SPATA13: variants seen among roughly 807,000 people sequenced by gnomAD.
The protein encoded by SPATA13 is spermatogenesis-associated protein 13.
In SPATA13, 50 loss-of-function variants were observed where a neutral mutation model predicts 104.0. The ratio of observed to expected loss-of-function variants is 0.48; its 90% confidence interval spans 0.38 to 0.61. SPATA13 has a LOEUF of 0.61. Among genes scored for constraint, SPATA13 ranks in the 20% least tolerant of loss-of-function variants. The probability of loss-of-function intolerance (pLI) is 0.00; values close to 1 mark genes in which losing one functional copy is unlikely to be tolerated. For synonymous variants in SPATA13, 606 were observed against 667.5 expected (o/e 0.91, Z 1.42); for missense variants, 1,524 against 1,690.6 (o/e 0.90, Z 1.73).
intron 4 of SPATA13, among the ~76,000 whole-genome samples, chr13:24,269,741 A>ATTTTTT (rs71070673): frequency 1.1e-4 from 8 of 75,928 alleles, no homozygotes; most frequent in South Asian, 6.1e-4. Flanking sequence ...GCTAATATAA[A>ATTTTTT]TTTTTTTTTT....
At position 24,123,153 on chromosome 13, in the gene SPATA13, A is replaced by G. The variant is rs761584234; in HGVS notation, c.-111-99666A>G. ...GTCATCATTTTCTGTTTCTCTGATAATATGAAGAAGAGCCTGCATTACAGG... is the reference window on the plus strand; with the variant it reads ...GTCATCATTTTCTGTTTCTCTGATAGTATGAAGAAGAGCCTGCATTACAGG... On this transcript the variant is annotated intron_variant, in intron 3 of 14. Transcript: ENST00000424834. 287 of 1,131,542 alleles carry G rather than the reference A, an allele frequency of 2.5e-4. 1 individual carries two copies. Among genetic ancestry groups the G allele is most frequent in the Non-Finnish European group, 3.4e-4 (252 of 740,722 alleles). 70.1% of individuals were successfully genotyped at this position (1,131,542 alleles called of 1,614,324 possible). A position where few individuals can be genotyped will look rare whatever the true frequency, so the allele number is the denominator to read the frequency against.
At chr13:24,059,996 C>T (rs1201371250) in intron 3 of SPATA13, among the ~76,000 whole-genome samples, 3 of 152,132 alleles carry the variant, frequency 2.0e-5, no homozygotes, top group Non-Finnish European at 4.4e-5. Context: ...GTATATGGCT[C>T]TTTTATTTTG....
At position 24,190,057 on chromosome 13, in the gene SPATA13, A is replaced by C. The variant is rs752046173; in HGVS notation, c.-112+29125A>C. Among the ~76,000 whole-genome samples, 610 of 67,830 alleles carry C rather than the reference A, an allele frequency of 9.0e-3. 250 individuals carry two copies. Among genetic ancestry groups the C allele is most frequent in the East Asian group, 0.018 (27 of 1,480 alleles). The allele number at this position is 67,830 out of a possible 152,430, so 44.5% of individuals were successfully genotyped here. Reference sequence around the variant, plus strand: ...CAATATATATTATTATATAACATATAATGATATACTATATATATTATTATA... The same window carrying C: ...CAATATATATTATTATATAACATATCATGATATACTATATATATTATTATA... On this transcript the variant is annotated intron_variant, in intron 1 of 12. Transcript: ENST00000382108.
intron 4 of SPATA13, among the ~76,000 whole-genome samples, chr13:24,257,594 G>T (rs1456020230): frequency 1.3e-5 from 2 of 150,780 alleles, no homozygotes; most frequent in Admixed American, 6.6e-5. Flanking sequence ...TGCTCAATTT[G>T]ATTTTTTAAA....
intron 1 of SPATA13, among the ~76,000 whole-genome samples, chr13:24,217,145 G>A (rs1871298094): frequency 3.3e-5 from 5 of 152,192 alleles, no homozygotes; most frequent in Admixed American, 3.3e-4. Context: ...TGTTATCCCA[G>A]CTACTTGGAG....
chr13:24,180,145 G>A (rs973032511), intron 1 of SPATA13, among the ~76,000 whole-genome samples: 5 of 152,164 alleles, frequency 3.3e-5, no homozygotes, highest in African/African-American at 1.2e-4. Flanking sequence ...TCAGCTCTTA[G>A]ATTTAGGCCT....
In SPATA13 at chr13:24,290,639, T is replaced by C. The variant is rs1187668189; in HGVS notation, c.2848-13T>C. The C allele has an allele frequency of 2.7e-5, 43 of 1,612,034 alleles. No homozygotes were observed. The highest frequency in any genetic ancestry group is 3.6e-5 in the Non-Finnish European group (43 of 1,178,252). On this transcript the variant is annotated splice_polypyrimidine_tract_variant and intron_variant, in intron 8 of 12. Transcript: ENST00000382108. ...ACCCCAGAAGCTGACGAAGCTGTACTTTTCCTTCCCAGCAAGAGGGCTTTG... is the reference window on the plus strand; with the variant it reads ...ACCCCAGAAGCTGACGAAGCTGTACCTTTCCTTCCCAGCAAGAGGGCTTTG...
At chr13:24,206,461 G>A (rs112181291) in intron 1 of SPATA13, among the ~76,000 whole-genome samples, 32,404 of 152,182 alleles carry the variant, frequency 0.21, 4,063 homozygotes, top group South Asian at 0.3. Context: ...TACACTGTTG[G>A]TGGGAGTATA....
intron 1 of SPATA13, among the ~76,000 whole-genome samples, chr13:24,166,561 C>G (rs1387824436): frequency 6.6e-6 from 1 of 152,160 alleles, no homozygotes; most frequent in African/African-American, 2.4e-5. Flanking sequence ...ATGACTGAGT[C>G]TGTGTGCCTA....
chr13:24,057,852 A>G (rs533274530), intron 3 of SPATA13, among the ~76,000 whole-genome samples: 1 of 151,822 alleles, frequency 6.6e-6, no homozygotes, highest in African/African-American at 2.4e-5. Context: ...TCAGGCTAAG[A>G]GAGACTCCAG....
rs142906131 is a variant in SPATA13, at chr13:24,286,349, C to T, written c.2437C>T (p.Arg813Cys). 4.8e-4 allele frequency: 781 copies of T among 1,613,032 alleles called. 7 individuals are homozygous for T. The African/African-American group carries it at 8.1e-3, about 17-fold the overall frequency. ...EASNKDWWWGRSEDKEAWFPA... is the reference protein window; with the variant it reads ...EASNKDWWWGCSEDKEAWFPA... ...CTCCAACAAGGACTGGTGGTGGGGC[C>T]GCAGTGAAGATAAGGAAGCCTGGTT... The change falls in exon 6 of 13, where the codon CGC (arginine) becomes TGC (cysteine). Residue 813 changes from arginine to cysteine, a missense_variant. Arg to Cys is a radical substitution (Grantham distance 180, BLOSUM62 -3). This residue lies in a region of SPATA13 where 1,089 missense variants were observed against 1,135.9 expected (regional missense o/e 0.96). Coordinates refer to ENST00000382108, the MANE Select transcript of SPATA13 (RefSeq NM_001166271.3). The surrounding 1 kb of genome is among the most constrained non-coding windows in gnomAD (Gnocchi z 4.9).
intron 3 of SPATA13, among the ~76,000 whole-genome samples, chr13:24,067,757 T>G (rs1055582006): frequency 7.2e-5 from 11 of 152,170 alleles, no homozygotes; most frequent in African/African-American, 2.4e-4. Context: ...TAGGCTGGAG[T>G]GCAGTGACAT....
chr13:24,236,172 C>T (rs1000530029), intron 2 of SPATA13, among the ~76,000 whole-genome samples: 12 of 152,316 alleles, frequency 7.9e-5, no homozygotes, highest in African/African-American at 2.4e-4. Context: ...ATTTATTAGC[C>T]TCCTCATCTC....
intron 2 of SPATA13, among the ~76,000 whole-genome samples, chr13:24,231,210 T>C (rs1036044154): frequency 6.6e-6 from 1 of 152,182 alleles, no homozygotes; most frequent in African/African-American, 2.4e-5. Flanking sequence ...CACCACAGAC[T>C]AATTTTAGCA....
chr13:24,266,888 C>T (rs1874323174), intron 4 of SPATA13, among the ~76,000 whole-genome samples: 1 of 151,948 alleles, frequency 6.6e-6, no homozygotes, highest in Admixed American at 6.6e-5. Context: ...ACCTCTCAGT[C>T]TCAAGTGATC....
intron 3 of SPATA13, among the ~76,000 whole-genome samples, chr13:24,027,157 C>T (rs1383612756): frequency 1.4e-4 from 13 of 90,456 alleles, no homozygotes; most frequent in East Asian, 6.4e-4. Context: ...TTTTTTGAGA[C>T]GGAGTCTAGC....
intron 3 of SPATA13, among the ~76,000 whole-genome samples, chr13:24,120,637 G>A (rs1881004135): frequency 1.3e-5 from 2 of 152,118 alleles, no homozygotes; most frequent in African/African-American, 4.8e-5. Context: ...CCAGTTCCTG[G>A]GTTCCATGAA....
intron 3 of SPATA13, among the ~76,000 whole-genome samples, chr13:24,082,063 C>T (rs757623350): frequency 1.3e-5 from 2 of 152,208 alleles, no homozygotes; most frequent in Non-Finnish European, 2.9e-5. Flanking sequence ...TTCATTTTAT[C>T]AGGATGGAAC....
rs144886470 is a variant in SPATA13, at chr13:24,288,753, T to G, written c.2668-246T>G. 2.9e-3 allele frequency among the ~76,000 whole-genome samples: 443 copies of G among 152,338 alleles called. 1 individual carries two copies. The highest frequency in any genetic ancestry group is 4.2e-3 in the Non-Finnish European group (288 of 68,036). ...TTGAGCTCTGGTATTTGAAACTTGTTTCTGGAAACATTATATGGTTTATTG... is the reference window on the plus strand; with the variant it reads ...TTGAGCTCTGGTATTTGAAACTTGTGTCTGGAAACATTATATGGTTTATTG... On this transcript the variant is annotated intron_variant, in intron 7 of 12. Transcript: ENST00000382108.
Sources: gnomAD v4.1 joint callset for allele counts (sites outside exome capture counted in the v4.1 genomes callset) on GRCh38, gnomAD v4.1.1 for gene constraint, gnomAD v4.1.1 regional missense constraint, Gnocchi (gnomAD v3.1) non-coding constraint, MANE v1.5 for transcripts, NCBI Gene and HGNC (gene_info 2026-07-23, HGNC 2026-07-21) for gene names.